MIS18A: variants seen among roughly 807,000 people sequenced by gnomAD.
MIS18A encodes protein Mis18-alpha.
MIS18A carries 14 observed loss-of-function variants against 25.0 expected under a neutral mutation model. That is an observed-to-expected ratio of 0.56 (90% CI 0.37 to 0.88). MIS18A has a LOEUF of 0.88. Ranked by LOEUF, MIS18A falls within the 40% of genes least tolerant of loss-of-function variation. MIS18A has a pLI of 0.00. For missense variants in MIS18A, 292 were observed against 290.8 expected (o/e 1.00, Z -0.03); for synonymous variants, 134 against 118.6 (o/e 1.13, Z -0.84).
the MIS18A span, among the ~76,000 whole-genome samples, chr21:32,250,563 TC>T: frequency 2.0e-5 from 3 of 152,156 alleles, no homozygotes; most frequent in South Asian, 6.2e-4. Context: ...CACTTTCTTC[TC>T]CAGCTCTGAC....
intron 1 of MIS18A, 124 bp from the exon 2 acceptor site, chr21:32,275,020 C>A: frequency 1.4e-6 from 1 of 730,606 alleles, no homozygotes; most frequent in Non-Finnish European, 2.3e-6. Context: ...AAGTCAAACA[C>A]ACAAAAGAGC....
chr21:32,180,564 T>C, the MIS18A span, among the ~76,000 whole-genome samples: 1 of 152,196 alleles, frequency 6.6e-6, no homozygotes, highest in Non-Finnish European at 1.5e-5. Flanking sequence ...CATGTGTCAG[T>C]TTCTCCAGGA....
chr21:32,269,667 C>T lies in MIS18A; in HGVS notation c.621+40G>A, dbSNP rs376125519. ...GGGGGAGCACTTCTTCACTGACAAA[C>T]TGTTCATACAAAGATATAAAATGTA... On this transcript the variant is annotated intron_variant, in intron 4 of 4. Transcript: ENST00000290130. 74 of 1,252,398 alleles carry T rather than the reference C, an allele frequency of 5.9e-5. No individual in the cohort carries two copies. In the South Asian group the frequency reaches 8.5e-4, roughly 14 times the overall value. The allele number at this position is 1,252,398 out of a possible 1,614,324, so 77.6% of individuals were successfully genotyped here. A position where few individuals can be genotyped will look rare whatever the true frequency, so the allele number is the denominator to read the frequency against.
At chr21:32,195,959 G>A in the MIS18A span, among the ~76,000 whole-genome samples, 1 of 152,044 alleles carries the variant, frequency 6.6e-6, no homozygotes, top group African/African-American at 2.4e-5. Context: ...GGAGGAGGTT[G>A]CAGTGAGCTG....
intron 2 of MIS18A, among the ~76,000 whole-genome samples, chr21:32,272,955 T>C (rs1218898897): frequency 6.6e-6 from 1 of 152,184 alleles, no homozygotes; most frequent in East Asian, 1.9e-4. Flanking sequence ...AGCAAAGTTC[T>C]AGCCTCCCTG....
At chr21:32,191,078 G>C in the MIS18A span, among the ~76,000 whole-genome samples, 2 of 152,200 alleles carry the variant, frequency 1.3e-5, no homozygotes, top group South Asian at 4.1e-4. Context: ...TCTGTTCTTG[G>C]AGAGCCGTAG....
At chr21:32,255,698 G>A in the MIS18A span, among the ~76,000 whole-genome samples, 1 of 151,702 alleles carries the variant, frequency 6.6e-6, no homozygotes, top group East Asian at 2.0e-4. Flanking sequence ...GACCATCCTG[G>A]CTAACACGGT....
the MIS18A span, chr21:32,260,211 G>C: frequency 1.3e-5 from 2 of 151,890 alleles, no homozygotes; most frequent in Admixed American, 1.3e-4. Flanking sequence ...TCCAGGAACA[G>C]TTCCCACAAA....
the MIS18A span, among the ~76,000 whole-genome samples, chr21:32,185,326 A>G: frequency 6.6e-6 from 1 of 152,120 alleles, no homozygotes; most frequent in Non-Finnish European, 1.5e-5. Context: ...CTCCCAGCCC[A>G]GCATTTTTCT....
the MIS18A span, among the ~76,000 whole-genome samples, chr21:32,182,971 G>A: frequency 6.6e-6 from 1 of 152,140 alleles, no homozygotes; most frequent in African/African-American, 2.4e-5. Context: ...ATTCCCAAAT[G>A]GCGAAATAGC....
At chr21:32,234,001 C>A in the MIS18A span, among the ~76,000 whole-genome samples, 1 of 152,122 alleles carries the variant, frequency 6.6e-6, no homozygotes, top group Non-Finnish European at 1.5e-5. Context: ...TAATGCAGTG[C>A]CCTGGATGGG....
At chr21:32,258,348 G>A in the MIS18A span, among the ~76,000 whole-genome samples, 1 of 152,120 alleles carries the variant, frequency 6.6e-6, no homozygotes. Flanking sequence ...GCTGCATCGG[G>A]GACGGGGGGC....
chr21:32,205,245 C>T, the MIS18A span, among the ~76,000 whole-genome samples: 1 of 151,692 alleles, frequency 6.6e-6, no homozygotes, highest in African/African-American at 2.4e-5. Context: ...GCTGGGACTA[C>T]AGGCGCCTGC....
chr21:32,237,326 A>G, the MIS18A span, among the ~76,000 whole-genome samples: 1 of 152,224 alleles, frequency 6.6e-6, no homozygotes, highest in Non-Finnish European at 1.5e-5. Flanking sequence ...TGAGGTTGCC[A>G]GGTTGCTGAT....
At chr21:32,237,811 A>C in the MIS18A span, among the ~76,000 whole-genome samples, 3 of 152,112 alleles carry the variant, frequency 2.0e-5, no homozygotes, top group Admixed American at 6.5e-5. Flanking sequence ...GACAGCTAGG[A>C]TACTCTGACT....
chr21:32,235,789 AC>A, the MIS18A span, among the ~76,000 whole-genome samples: 2 of 152,126 alleles, frequency 1.3e-5, 1 homozygote, highest in African/African-American at 4.8e-5. Context: ...TCCTCAACCC[AC>A]CATGGAGAAC....
chr21:32,196,598 G>T, the MIS18A span, among the ~76,000 whole-genome samples: 1 of 151,998 alleles, frequency 6.6e-6, no homozygotes, highest in Non-Finnish European at 1.5e-5. Flanking sequence ...GGGACTACAG[G>T]TGCATGCCAC....
At chr21:32,242,371 A>G in the MIS18A span, among the ~76,000 whole-genome samples, 5 of 152,212 alleles carry the variant, frequency 3.3e-5, no homozygotes, top group Admixed American at 1.3e-4. Context: ...ACTGAGTAAA[A>G]TAGATAATCT....
At chr21:32,245,280 G>A in the MIS18A span, among the ~76,000 whole-genome samples, 4 of 152,266 alleles carry the variant, frequency 2.6e-5, no homozygotes, top group African/African-American at 4.8e-5. Flanking sequence ...ATCAGTCATC[G>A]CACTGGGAAG....
Sources: gnomAD v4.1 joint callset for allele counts (sites outside exome capture counted in the v4.1 genomes callset) on GRCh38, gnomAD v4.1.1 for gene constraint, MANE v1.5 for transcripts, NCBI Gene and HGNC (gene_info 2026-07-23, HGNC 2026-07-21) for gene names.